The following EEPD1 variants were observed in gnomAD, a reference collection of about 807,000 sequenced individuals.
The protein encoded by EEPD1 is endonuclease/exonuclease/phosphatase family domain containing 1, also known as endonuclease/exonuclease/phosphatase family domain-containing protein 1.
In EEPD1, 17 loss-of-function variants were observed where a neutral mutation model predicts 46.3. That is an observed-to-expected ratio of 0.37 (90% CI 0.25 to 0.55). The LOEUF (loss-of-function observed/expected upper bound fraction) is 0.55, where lower values mean the gene tolerates loss of function less well. Among genes scored for constraint, EEPD1 ranks in the 20% least tolerant of loss-of-function variants. The pLI, the probability that EEPD1 is intolerant of heterozygous loss-of-function variation, is 0.83. For missense variants in EEPD1, 673 were observed against 745.6 expected, an observed-to-expected ratio of 0.90 and a Z score of 1.13; for synonymous variants, 313 against 315.6, an observed-to-expected ratio of 0.99 and a Z score of 0.09.
At chr7:36,205,613 T>C (rs1429002913) in intron 2 of EEPD1, among the ~76,000 whole-genome samples, 1 of 152,234 alleles carries the variant, frequency 6.6e-6, no homozygotes, top group Non-Finnish European at 1.5e-5. Context: ...AGCGTGGTGC[T>C]AAGTGATGAT....
At chr7:36,251,985 C>T (rs1465617841) in intron 3 of EEPD1, among the ~76,000 whole-genome samples, 1 of 152,138 alleles carries the variant, frequency 6.6e-6, no homozygotes, top group African/African-American at 2.4e-5. Flanking sequence ...AAAAGGAAAT[C>T]AATCCTGCTC....
intron 4 of EEPD1, among the ~76,000 whole-genome samples, chr7:36,283,949 T>G (rs914626223): frequency 4.0e-5 from 6 of 151,864 alleles, no homozygotes; most frequent in Non-Finnish European, 8.8e-5. Context: ...TGTGGTGGGG[T>G]AGAAAGGAGA....
At position 36,154,196 on chromosome 7, in the gene EEPD1, A is replaced by C. The variant is rs1334078513; in HGVS notation, c.-129A>C. On this transcript the variant is annotated 5_prime_UTR_variant, in exon 2 of 8. Transcript: ENST00000242108. The surrounding 1 kb of genome is among the most constrained non-coding windows in gnomAD (Gnocchi z 4.2). ...GGAAGATTCGGTGTTTGTCTATAGT[A>C]ACCTCTTCAGTCCCTGAATCCTGCA... 8.5e-7 allele frequency: 1 copy of C among 1,178,652 alleles called. No individual in the cohort carries two copies. The highest frequency in any genetic ancestry group is 1.5e-5 in the African/African-American group (1 of 64,772). 73.0% of individuals were successfully genotyped at this position (1,178,652 alleles called of 1,614,324 possible).
At chr7:36,157,615 C>T (rs533102865) in intron 2 of EEPD1, among the ~76,000 whole-genome samples, 27 of 152,300 alleles carry the variant, frequency 1.8e-4, no homozygotes, top group East Asian at 3.9e-4. Flanking sequence ...GAAGGTGACC[C>T]GCACCGTCAC....
At chr7:36,199,199 G>A (rs1369774740) in intron 2 of EEPD1, among the ~76,000 whole-genome samples, 2 of 152,100 alleles carry the variant, frequency 1.3e-5, no homozygotes, top group Non-Finnish European at 2.9e-5. Flanking sequence ...AGCACAGAGT[G>A]ACTCAGACCC....
chr7:36,168,661 GGT>G (rs1253515830), intron 2 of EEPD1, among the ~76,000 whole-genome samples: 1 of 111,444 alleles, frequency 9.0e-6, no homozygotes, highest in Non-Finnish European at 2.4e-5. Flanking sequence ...AAGAGGCTAA[GGT>G]GGGAGAAAGG....
intron 3 of EEPD1, among the ~76,000 whole-genome samples, chr7:36,248,916 G>T (rs933296035): frequency 6.6e-6 from 1 of 151,300 alleles, no homozygotes; most frequent in African/African-American, 2.4e-5. Flanking sequence ...CAAACTCAGT[G>T]CTCAGGGTCC....
At chr7:36,271,925 A>G (rs1191517072) in intron 3 of EEPD1, among the ~76,000 whole-genome samples, 1 of 151,180 alleles carries the variant, frequency 6.6e-6, no homozygotes, top group African/African-American at 2.4e-5. Context: ...TCTGTCACCC[A>G]GGCTGGAGTG....
intron 3 of EEPD1, 167 bp from the exon 4 acceptor site, chr7:36,280,948 T>C (rs1217675641): frequency 9.1e-6 from 5 of 551,162 alleles, no homozygotes; most frequent in African/African-American, 7.5e-5. Flanking sequence ...TGTTTAGTCA[T>C]CTGGCTCTTG....
chr7:36,268,001 C>A (rs1262233015), intron 3 of EEPD1, among the ~76,000 whole-genome samples: 2 of 152,162 alleles, frequency 1.3e-5, no homozygotes, highest in Non-Finnish European at 2.9e-5. Flanking sequence ...ATCGCTGGAA[C>A]CTTGGTCTTG....
At chr7:36,264,292 T>G (rs1415467083) in intron 3 of EEPD1, among the ~76,000 whole-genome samples, 2 of 152,186 alleles carry the variant, frequency 1.3e-5, no homozygotes, top group East Asian at 3.8e-4. Context: ...AAGCCCGCAG[T>G]GGGGTCAGGA....
intron 3 of EEPD1, among the ~76,000 whole-genome samples, chr7:36,276,997 A>G (rs1337623196): frequency 1.3e-5 from 2 of 152,216 alleles, no homozygotes; most frequent in African/African-American, 4.8e-5. Context: ...ACGTAAGAGT[A>G]TTATTTCTTC....
At chr7:36,254,252 A>G (rs1053305809) in intron 3 of EEPD1, among the ~76,000 whole-genome samples, 18 of 152,014 alleles carry the variant, frequency 1.2e-4, no homozygotes, top group African/African-American at 4.4e-4. Context: ...TACATTAGGT[A>G]TTTCTCTTAA....
At chr7:36,250,641 G>T (rs1434076320) in intron 3 of EEPD1, among the ~76,000 whole-genome samples, 1 of 152,166 alleles carries the variant, frequency 6.6e-6, no homozygotes, top group East Asian at 1.9e-4. Flanking sequence ...TATCTTATTT[G>T]GCCTTTTATA....
intron 4 of EEPD1, among the ~76,000 whole-genome samples, chr7:36,283,419 G>A (rs905783316): frequency 6.6e-6 from 1 of 152,106 alleles, no homozygotes; most frequent in South Asian, 2.1e-4. Context: ...GCTTTTGGGC[G>A]GAAGATGACT....
rs766892541 is a variant in EEPD1, at chr7:36,154,276, G to A, written c.-49G>A. The A allele has an allele frequency of 2.5e-5, 39 of 1,557,530 alleles. No individual in the cohort carries two copies. The East Asian group carries it at 8.9e-4, about 35-fold the overall frequency. ...ACTGGGCTTCCTCCCTAGCCAGAGA[G>A]CTCTTCTGCAGTGGTGCGGCCTTCC... On this transcript the variant is annotated 5_prime_UTR_variant, in exon 2 of 8. Transcript: ENST00000242108. The surrounding 1 kb of genome is among the most constrained non-coding windows in gnomAD (Gnocchi z 4.2).
rs143292879 is a variant in EEPD1, at chr7:36,232,195, T to G, written c.879-6790T>G. 5.9e-3 allele frequency among the ~76,000 whole-genome samples: 889 copies of G among 151,180 alleles called. 5 individuals are homozygous for G. The highest frequency in any genetic ancestry group is 0.02 in the African/African-American group (835 of 41,124). ...GCTGGTTTTTTTTTTTTTTTGGTTT[T>G]GTTTTGTTTTGTTTTTGTTTTTGTT... On this transcript the variant is annotated intron_variant, in intron 2 of 7. Coordinates refer to ENST00000242108, the MANE Select transcript of EEPD1 (RefSeq NM_030636.3).
At chr7:36,270,004 A>G (rs1482018635) in intron 3 of EEPD1, among the ~76,000 whole-genome samples, 1 of 152,234 alleles carries the variant, frequency 6.6e-6, no homozygotes, top group Non-Finnish European at 1.5e-5. Flanking sequence ...AGGAGATGGC[A>G]CACTGAACAA....
At chr7:36,173,729 A>G (rs976558482) in intron 2 of EEPD1, among the ~76,000 whole-genome samples, 6 of 152,100 alleles carry the variant, frequency 3.9e-5, no homozygotes, top group African/African-American at 1.4e-4. Context: ...TTCTGTGTTG[A>G]TTGTTGTGGT....
Sources: allele counts gnomAD v4.1 joint callset (sites outside exome capture counted in the v4.1 genomes callset), GRCh38; gene constraint gnomAD v4.1.1; non-coding constraint Gnocchi (gnomAD v3.1); transcripts MANE v1.5; gene names NCBI Gene and HGNC (gene_info 2026-07-23, HGNC 2026-07-21).